The following KMT2A variants were observed in gnomAD, a reference collection of about 807,000 sequenced individuals.
KMT2A encodes histone-lysine N-methyltransferase 2A.
Under a neutral mutation model 345.3 loss-of-function variants are expected in KMT2A, and 16 were observed. The observed-to-expected ratio is 0.05, with a 90% confidence interval of 0.03 to 0.07. KMT2A has a LOEUF of 0.07. KMT2A is among the 10% of genes least tolerant of loss of function. The pLI is 1.00. For synonymous variants in KMT2A, 1,599 were observed against 1,778.6 expected, an observed-to-expected ratio of 0.90 and a Z score of 2.54; for missense variants, 3,272 against 4,841.6, an observed-to-expected ratio of 0.68 and a Z score of 9.62.
At chr11:118,501,472 G>GA (rs376694691) in intron 25 of KMT2A, among the ~76,000 whole-genome samples, 200 bp from the exon 26 acceptor site, 126 of 131,070 alleles carry the variant, frequency 9.6e-4, no homozygotes, top group Middle Eastern at 3.8e-3. Flanking sequence ...GTGTCTCAAA[G>GA]AAAAAAAAAA....
intron 1 of KMT2A, among the ~76,000 whole-genome samples, chr11:118,438,630 C>G (rs961387836): frequency 6.6e-6 from 1 of 152,300 alleles, no homozygotes; most frequent in South Asian, 2.1e-4. Flanking sequence ...CCCTTGTCCC[C>G]TATTGTGCCC....
intron 25 of KMT2A, 147 bp from the exon 26 acceptor site, chr11:118,501,525 A>C: frequency 1.5e-6 from 1 of 658,476 alleles, no homozygotes; most frequent in Non-Finnish European, 2.5e-6. Context: ...GAGTACTATG[A>C]TTGAAAGCTG....
At position 118,503,074 on chromosome 11, in the gene KMT2A, C is replaced by T. The variant is rs1555046422; in HGVS notation, c.7182C>T (p.Ser2394=). The stretch of plus-strand genomic sequence containing the variant: ...CAGATTCTACCCAATCAGCAAACTC[C>T]TCTCCAGATGAAGATACTGAAGTCA... ...QHTDSTQSAN[S]SPDEDTEVKT... is the part of the protein sequence containing the mutation. The change falls in exon 27 of 36, where the codon TCC becomes TCT. Residue 2394 remains serine (S), a synonymous_variant. Coordinates refer to ENST00000534358, the MANE Select transcript of KMT2A (RefSeq NM_001197104.2). This position sits in a 1 kb window ranked among gnomAD's most constrained non-coding sequence, Gnocchi z 5.3. The T allele has an allele frequency of 6.2e-7, 1 of 1,612,996 alleles. No homozygotes were observed.
chr11:118,481,764 C>T lies in KMT2A; in HGVS notation c.3684C>T (p.Ser1228=), dbSNP rs369529777. ...KKSKTSEKKD[S]KESSVVKNVV... Reference sequence around the variant, plus strand: ...CTAAGACCAGTGAAAAGAAAGACAGCAAAGAGAGCAGTGTTGTGAAGAACG... The same window carrying T: ...CTAAGACCAGTGAAAAGAAAGACAGTAAAGAGAGCAGTGTTGTGAAGAACG... Residue 1228 remains serine, a synonymous_variant, in exon 7 of 36, where the codon AGC becomes AGT. Transcript: ENST00000534358. 7.0e-5 allele frequency: 113 copies of T among 1,613,914 alleles called. No individual in the cohort carries two copies. In the African/African-American group the frequency reaches 1.4e-3, roughly 21 times the overall value.
chr11:118,438,253 G>A (rs1555139279), intron 1 of KMT2A, among the ~76,000 whole-genome samples: 1 of 152,142 alleles, frequency 6.6e-6, no homozygotes, highest in East Asian at 1.9e-4. Flanking sequence ...GGTGGATGAA[G>A]GGTCAGAGCG....
At chr11:118,447,212 A>G (rs570445507) in intron 1 of KMT2A, among the ~76,000 whole-genome samples, 19 of 152,292 alleles carry the variant, frequency 1.2e-4, no homozygotes, top group African/African-American at 4.6e-4. Context: ...ATGTCGTGGT[A>G]CTTTTGAAAT....
In KMT2A at chr11:118,472,918, C is replaced by T. The variant is rs2134264122; in HGVS notation, c.1759C>T (p.Pro587Ser). Residue 587 changes from proline (P) to serine (S), a missense_variant, in exon 3 of 36, where the codon CCT becomes TCT. Around this residue, in one of 27 missense-constraint regions of KMT2A, gnomAD observed 180 missense variants for 190.7 expected, o/e 0.94. Transcript: ENST00000534358. Reference sequence around the variant, plus strand: ...CTCTGACCACACACCTTGGCTTATGCCTCCAACAATCCCCTTAGCATCACC... The same window carrying T: ...CTCTGACCACACACCTTGGCTTATGTCTCCAACAATCCCCTTAGCATCACC... Reference protein sequence around the residue: ...SISDHTPWLMPPTIPLASPFL... With the variant: ...SISDHTPWLMSPTIPLASPFL... 1.2e-6 allele frequency: 2 copies of T among 1,614,044 alleles called. No individual in the cohort carries two copies. Among genetic ancestry groups the T allele is most frequent in the East Asian group, 4.5e-5 (2 of 44,880 alleles).
rs782173052 is a variant in KMT2A at position 118,509,108 on chromosome 11, T to C, written c.10836-28T>C. On this transcript the variant is annotated intron_variant, in intron 28 of 35. Coordinates refer to ENST00000534358, the MANE Select transcript of KMT2A (RefSeq NM_001197104.2). ...CTTTGAATTGAAGAACTAGCTGATA[T>C]TATATCTTACATTTGGTTTTTATTT... 1.5e-5 allele frequency: 24 copies of C among 1,601,934 alleles called. No homozygotes were observed. In the East Asian group the frequency reaches 4.5e-4, roughly 30 times the overall value.
rs782115318 is a variant in KMT2A at position 118,503,052 on chromosome 11, A to C, written c.7160A>C (p.Asp2387Ala). Reference protein sequence around the residue: ...GQRNDRDQHTDSTQSANSSPD... With the variant: ...GQRNDRDQHTASTQSANSSPD... The stretch of plus-strand genomic sequence containing the variant: ...AGGAATGATCGAGACCAACACACAG[A>C]TTCTACCCAATCAGCAAACTCCTCT... The change falls in exon 27 of 36, where the codon GAT (aspartate) becomes GCT (alanine). Residue 2387 changes from aspartate (D) to alanine (A), a missense_variant. This residue lies in a region of KMT2A where 445 missense variants were observed against 500.9 expected (regional missense o/e 0.89). Transcript: ENST00000534358. This position sits in a 1 kb window ranked among gnomAD's most constrained non-coding sequence, Gnocchi z 5.3. 1 of 1,613,226 alleles carries C rather than the reference A, an allele frequency of 6.2e-7. No individual in the cohort carries two copies. Among genetic ancestry groups the C allele is most frequent in the Non-Finnish European group, 8.5e-7 (1 of 1,179,994 alleles).
intron 1 of KMT2A, among the ~76,000 whole-genome samples, chr11:118,437,682 C>T (rs9332750): frequency 6.6e-6 from 1 of 151,582 alleles, no homozygotes; most frequent in Non-Finnish European, 1.5e-5. Flanking sequence ...TCTTCCCCCC[C>T]CCGCCCCGTC....
In KMT2A at chr11:118,484,443, C is replaced by A; in HGVS notation, c.4218+129C>A. ...GGGAATGAATAAGAACTCCCATTAG[C>A]AGGTGGGTTTAGCGCTGGGAGAGCT... is the stretch of plus-strand genomic sequence containing the variant. On this transcript the variant is annotated intron_variant, in intron 9 of 35. Coordinates refer to ENST00000534358, the MANE Select transcript of KMT2A (RefSeq NM_001197104.2). This position sits in a 1 kb window ranked among gnomAD's most constrained non-coding sequence, Gnocchi z 4.1. The A allele has an allele frequency of 3.0e-6, 3 of 988,822 alleles. No individual in the cohort carries two copies. Among genetic ancestry groups the A allele is most frequent in the African/African-American group, 1.6e-5 (1 of 61,196 alleles). The allele number at this position is 988,822 out of a possible 1,614,324, so 61.3% of individuals were successfully genotyped here.
At chr11:118,519,467 GCTAT>G in intron 31 of KMT2A, 147 bp from the exon 32 acceptor site, 1 of 628,816 alleles carries the variant, frequency 1.6e-6, no homozygotes, top group Non-Finnish European at 2.9e-6. Flanking sequence ...CATTTTAATG[GCTAT>G]CTGATGCTAA....
At chr11:118,492,311 A>G (rs1950336988) in intron 15 of KMT2A, among the ~76,000 whole-genome samples, 1 of 152,236 alleles carries the variant, frequency 6.6e-6, no homozygotes, top group African/African-American at 2.4e-5. Context: ...GGGGACAGTT[A>G]TAGTAATCAA....
chr11:118,511,885 C>G (rs1447721653), intron 30 of KMT2A, 66 bp from the exon 31 acceptor site: 15 of 1,203,730 alleles, frequency 1.2e-5, no homozygotes, highest in Non-Finnish European at 1.9e-5. Flanking sequence ...TTGTGCACAT[C>G]ATTGGTATTA....
chr11:118,466,372 G>C (rs1477756612), intron 1 of KMT2A, among the ~76,000 whole-genome samples: 2 of 152,194 alleles, frequency 1.3e-5, no homozygotes, highest in Non-Finnish European at 2.9e-5. Flanking sequence ...GCCCAGGCTA[G>C]CCTTGAACTC....
rs1424598324 is a variant in KMT2A at position 118,496,762 on chromosome 11, C to T, written c.5664+395C>T. ...TTAAGAGCCCGAGTTCTGCCGCCTGCCTGAATACATTTCTGTGCTTAACTG... is the reference window on the plus strand; with the variant it reads ...TTAAGAGCCCGAGTTCTGCCGCCTGTCTGAATACATTTCTGTGCTTAACTG... On this transcript the variant is annotated intron_variant, in intron 20 of 35. Coordinates refer to ENST00000534358, the MANE Select transcript of KMT2A (RefSeq NM_001197104.2). This position sits in a 1 kb window ranked among gnomAD's most constrained non-coding sequence, Gnocchi z 4.7. Among the ~76,000 whole-genome samples the T allele has an allele frequency of 1.3e-5, 2 of 152,112 alleles. No individual in the cohort carries two copies. Among genetic ancestry groups the T allele is most frequent in the African/African-American group, 4.8e-5 (2 of 41,392 alleles).
Position 118,499,311 on chromosome 11 carries a change from T to G in KMT2A, c.5970T>G (p.Pro1990=). The change falls in exon 23 of 36, where the codon CCT becomes CCG. Residue 1990 remains proline (P), a synonymous_variant. Transcript: ENST00000534358. ...HRDLIKGEVV[P]ENGFEVFRRV... is the part of the protein sequence containing the mutation. ...CATGGGTTTTATTTAAGGTGGTTCC[T>G]GAGAATGGATTTGAAGTTTTCAGAA... 1 of 1,610,578 alleles carries G rather than the reference T, an allele frequency of 6.2e-7. No homozygotes were observed. The highest frequency in any genetic ancestry group is 8.5e-7 in the Non-Finnish European group (1 of 1,176,746).
chr11:118,507,008 C>T (rs781800324), intron 27 of KMT2A, among the ~76,000 whole-genome samples: 3 of 152,126 alleles, frequency 2.0e-5, no homozygotes, highest in Non-Finnish European at 4.4e-5. Flanking sequence ...AAAACTTTAT[C>T]ATTGAAAGCC....
Position 118,520,935 on chromosome 11 carries a change from AAAATCAAAGCAGACC to A in KMT2A, c.11513+55_11513+69del. 7.0e-7 allele frequency: 1 copy of A among 1,425,274 alleles called. No individual in the cohort carries two copies. Among genetic ancestry groups the A allele is most frequent in the Non-Finnish European group, 9.9e-7 (1 of 1,008,860 alleles). The allele number at this position is 1,425,274 out of a possible 1,614,324, so 88.3% of individuals were successfully genotyped here. On this transcript the variant is annotated intron_variant, in intron 34 of 35. Transcript: ENST00000534358. The surrounding 1 kb of genome is among the most constrained non-coding windows in gnomAD (Gnocchi z 4.3). ...TTACAGAAAACGAATGCAGTTTTTCAAAATCAAAGCAGACCAAATGCTGGAGTGACCTTCCTCACT... is the reference window on the plus strand; with the variant it reads ...TTACAGAAAACGAATGCAGTTTTTCAAAATGCTGGAGTGACCTTCCTCACT...
Sources: allele counts gnomAD v4.1 joint callset (sites outside exome capture counted in the v4.1 genomes callset), GRCh38; gene constraint gnomAD v4.1.1; regional missense constraint gnomAD v4.1.1; non-coding constraint Gnocchi (gnomAD v3.1); transcripts MANE v1.5; gene names NCBI Gene and HGNC (gene_info 2026-07-23, HGNC 2026-07-21).